The following KIF5B variants were observed in gnomAD, a reference collection of about 807,000 sequenced individuals.
KIF5B encodes kinesin-1 heavy chain.
A neutral mutation model predicts 132.8 loss-of-function variants in KIF5B; 49 were observed. The observed-to-expected ratio is 0.37, with a 90% CI of 0.29 to 0.47. The LOEUF (loss-of-function observed/expected upper bound fraction) is 0.47, where lower values mean the gene tolerates loss of function less well. Ranked by LOEUF, KIF5B falls within the 20% of genes least tolerant of loss-of-function variation. The pLI is 1.00. For synonymous variants in KIF5B, 355 were observed against 369.4 expected (o/e 0.96, Z 0.45); for missense variants, 780 against 1,144.0 (o/e 0.68, Z 4.59).
At position 32,040,365 on chromosome 10, in the gene KIF5B, A is replaced by G. The variant is rs1289481283; in HGVS notation, c.288+19T>C. 2 of 1,464,382 alleles carry G rather than the reference A, an allele frequency of 1.4e-6. No homozygotes were observed. Among genetic ancestry groups the G allele is most frequent in the Non-Finnish European group, 9.6e-7 (1 of 1,043,678 alleles). The allele number at this position is 1,464,382 out of a possible 1,614,324, so 90.7% of individuals were successfully genotyped here. A position where few individuals can be genotyped will look rare whatever the true frequency, so the allele number is the denominator to read the frequency against. On this transcript the variant is annotated intron_variant, in intron 3 of 25. Transcript: ENST00000302418. ...TATGTATTGCAAACCACATCTAAGT[A>G]CAGATTATAAAACGTTACCTCCATT...
chr10:32,016,655 C>T (rs1039107015), intron 24 of KIF5B, among the ~76,000 whole-genome samples: 1 of 151,954 alleles, frequency 6.6e-6, no homozygotes, highest in African/African-American at 2.4e-5. Flanking sequence ...GATTCTCCTG[C>T]CTCAGCCTCC....
intron 1 of KIF5B, among the ~76,000 whole-genome samples, chr10:32,050,349 C>G (rs968776999): frequency 6.6e-6 from 1 of 152,138 alleles, no homozygotes; most frequent in Admixed American, 6.5e-5. Flanking sequence ...GTCACATGAC[C>G]AAGCTCTGAA....
chr10:32,053,350 G>A (rs2132619931), intron 1 of KIF5B, among the ~76,000 whole-genome samples: 1 of 150,850 alleles, frequency 6.6e-6, no homozygotes, highest in Middle Eastern at 3.4e-3. Flanking sequence ...TGAAAACAAT[G>A]AACCAAAACA....
chr10:32,022,174 G>T lies in KIF5B; in HGVS notation c.1998C>A (p.Ala666=), dbSNP rs779775708. 6.2e-7 allele frequency: 1 copy of T among 1,610,226 alleles called. No homozygotes were observed. The highest frequency in any genetic ancestry group is 8.5e-7 in the Non-Finnish European group (1 of 1,176,866). The change falls in exon 17 of 26, where the codon GCC becomes GCA. Residue 666 remains alanine, a synonymous_variant. Transcript: ENST00000302418. The stretch of plus-strand genomic sequence containing the variant: ...GAAGCTGGACTAGTTCTTCACTGAG[G>T]GCATCGACAGATTCCTCCAACTGTC... ...KKRQLEESVD[A]LSEELVQLRA...
At chr10:32,023,546 A>G (rs886416338) in intron 15 of KIF5B, among the ~76,000 whole-genome samples, 1 of 152,102 alleles carries the variant, frequency 6.6e-6, no homozygotes, top group African/African-American at 2.4e-5. Context: ...TTAAGTTTAC[A>G]TGTAAAGTCA....
At chr10:32,019,181 T>G (rs1841223626) in intron 20 of KIF5B, among the ~76,000 whole-genome samples, 1 of 152,208 alleles carries the variant, frequency 6.6e-6, no homozygotes, top group South Asian at 2.1e-4. Context: ...ACTGATTAAT[T>G]ATAGATTATA....
chr10:32,034,879 A>C, intron 10 of KIF5B, 41 bp from the exon 11 acceptor site: 1 of 1,466,026 alleles, frequency 6.8e-7, no homozygotes, highest in Non-Finnish European at 9.1e-7. Context: ...TGAGACTGAA[A>C]TTATTTTTAA....
At chr10:32,016,592 C>A (rs1290280827) in intron 24 of KIF5B, among the ~76,000 whole-genome samples, 2 of 152,112 alleles carry the variant, frequency 1.3e-5, no homozygotes, top group Non-Finnish European at 2.9e-5. Flanking sequence ...ATGGTGCAAT[C>A]TTGGCTCATT....
chr10:32,037,362 G>A lies in KIF5B; in HGVS notation c.603C>T (p.Ser201=). ...TAAGAAATATACTGTGACTCCTAGA[G>A]CTATGTTCATTCATATCTGCAAGGA... ...HVAVTNMNEH[S]SRSHSIFLIN... Residue 201 remains serine, a synonymous_variant, in exon 8 of 26, where the codon AGC becomes AGT. Coordinates refer to ENST00000302418, the MANE Select transcript of KIF5B (RefSeq NM_004521.3). 1 of 1,612,030 alleles carries A rather than the reference G, an allele frequency of 6.2e-7. No homozygotes were observed.
chr10:32,040,372 A>G lies in KIF5B; in HGVS notation c.288+12T>C. ...TGCAAACCACATCTAAGTACAGATT[A>G]TAAAACGTTACCTCCATTGTGTGTG... On this transcript the variant is annotated intron_variant, in intron 3 of 25. Transcript: ENST00000302418. The G allele has an allele frequency of 6.5e-7, 1 of 1,527,672 alleles. No homozygotes were observed. The highest frequency in any genetic ancestry group is 9.1e-7 in the Non-Finnish European group (1 of 1,101,324). 94.6% of individuals were successfully genotyped at this position (1,527,672 alleles called of 1,614,324 possible). A position where few individuals can be genotyped will look rare whatever the true frequency, so the allele number is the denominator to read the frequency against.
chr10:32,049,725 T>A (rs1161884762), intron 1 of KIF5B, among the ~76,000 whole-genome samples: 1 of 143,428 alleles, frequency 7.0e-6, no homozygotes, highest in African/African-American at 2.6e-5. Flanking sequence ...GAGCCAGGGG[T>A]ATTGAACAAA....
chr10:32,042,295 TC>T (rs1229730468), intron 2 of KIF5B, among the ~76,000 whole-genome samples: 1 of 152,166 alleles, frequency 6.6e-6, no homozygotes, highest in Admixed American at 6.5e-5. Context: ...ATTACTAACT[TC>T]CCTGGGAAGA....
At chr10:32,020,063 T>G in intron 19 of KIF5B, 104 bp from the exon 20 acceptor site, 1 of 765,690 alleles carries the variant, frequency 1.3e-6, no homozygotes, top group South Asian at 1.8e-5. Context: ...CATCAAGGAC[T>G]TTTCTGTTAT....
Position 32,022,251 on chromosome 10 carries a change from C to T in KIF5B, c.1921G>A (p.Ala641Thr). The change falls in exon 17 of 26, where the codon GCC (alanine) becomes ACC (threonine). Residue 641 changes from alanine (A) to threonine (T), a missense_variant. Around this residue, in one of 9 missense-constraint regions of KIF5B, gnomAD observed 471 missense variants for 569.9 expected, o/e 0.83. Coordinates refer to ENST00000302418, the MANE Select transcript of KIF5B (RefSeq NM_004521.3). ...TATTCAGTCAATGACTTGATTTTGG[C>T]TTCATGCTTTTGGAAAAAATATACT... ...ACQLRISQHE[A>T]KIKSLTEYLQ... is the part of the protein sequence containing the mutation. 3 of 1,598,294 alleles carry T rather than the reference C, an allele frequency of 1.9e-6. No homozygotes were observed. The highest frequency in any genetic ancestry group is 2.6e-6 in the Non-Finnish European group (3 of 1,168,824).
intron 15 of KIF5B, among the ~76,000 whole-genome samples, chr10:32,027,087 C>A (rs1173145642): frequency 6.6e-6 from 1 of 152,142 alleles, no homozygotes; most frequent in East Asian, 1.9e-4. Flanking sequence ...CAAACAGCAA[C>A]ATTAAACAAT....
At position 32,018,385 on chromosome 10, in the gene KIF5B, T is replaced by C; in HGVS notation, c.2370A>G (p.Ala790=). Residue 790 remains alanine (A), a splice_region_variant and synonymous_variant, in exon 22 of 26, where the codon GCA becomes GCG. Coordinates refer to ENST00000302418, the MANE Select transcript of KIF5B (RefSeq NM_004521.3). ...QDLKGLEETV[A]KELQTLHNLR... is the part of the protein sequence containing the mutation. ...GGTTGTGTAAAGTCTGAAGTTCTTT[T>C]GCCTTGGATTAAGAACAGCGATATT... The C allele has an allele frequency of 6.5e-7, 1 of 1,539,420 alleles. No individual in the cohort carries two copies. Among genetic ancestry groups the C allele is most frequent in the South Asian group, 1.3e-5 (1 of 77,010 alleles).
At chr10:32,041,101 G>A (rs1223572618) in intron 2 of KIF5B, among the ~76,000 whole-genome samples, 4 of 147,452 alleles carry the variant, frequency 2.7e-5, no homozygotes, top group African/African-American at 7.6e-5. Flanking sequence ...AGCTGAGATC[G>A]AGCCACTGCA....
rs200032651 is a variant in KIF5B at position 32,017,402 on chromosome 10, A to G, written c.2545-43T>C. On this transcript the variant is annotated intron_variant, in intron 23 of 25. Coordinates refer to ENST00000302418, the MANE Select transcript of KIF5B (RefSeq NM_004521.3). ...AAACAAGGATTCCAGATTTAACAGG[A>G]TGACTTGAAAAAGTATGAGCATTTC... 7.4e-4 allele frequency: 1,085 copies of G among 1,461,926 alleles called. 6 individuals are homozygous for G. The highest frequency in any genetic ancestry group is 4.8e-3 in the Middle Eastern group (28 of 5,778). 90.6% of individuals were successfully genotyped at this position (1,461,926 alleles called of 1,614,324 possible). A position where few individuals can be genotyped will look rare whatever the true frequency, so the allele number is the denominator to read the frequency against.
In KIF5B at chr10:32,037,253, C is replaced by A. The variant is rs751499554; in HGVS notation, c.711+1G>T. ...TTTGTCAAAATACATGAAGACTTTA[C>A]CTTTTCACTACCAGCTAAATCAACC... On this transcript the variant is annotated splice_donor_variant, in intron 8 of 25. Coordinates refer to ENST00000302418, the MANE Select transcript of KIF5B (RefSeq NM_004521.3). LOFTEE classifies it high-confidence loss of function. 6.2e-7 allele frequency: 1 copy of A among 1,610,630 alleles called. No homozygotes were observed. The highest frequency in any genetic ancestry group is 8.5e-7 in the Non-Finnish European group (1 of 1,179,016).
Sources: allele counts gnomAD v4.1 joint callset (sites outside exome capture counted in the v4.1 genomes callset), GRCh38; gene constraint gnomAD v4.1.1; regional missense constraint gnomAD v4.1.1; transcripts MANE v1.5; gene names NCBI Gene and HGNC (gene_info 2026-07-23, HGNC 2026-07-21).